Variants in ADGRB3 observed in about 807,000 individuals in gnomAD.
ADGRB3 encodes the protein adhesion G protein-coupled receptor B3.
Under a neutral mutation model 193.4 loss-of-function variants are expected in ADGRB3, and 37 were observed. The ratio of observed to expected loss-of-function variants is 0.19; its 90% CI spans 0.15 to 0.25. The LOEUF (loss-of-function observed/expected upper bound fraction) is 0.25. Among genes scored for constraint, ADGRB3 ranks in the 10% least tolerant of loss-of-function variants. The pLI, the probability that ADGRB3 is intolerant of heterozygous loss-of-function variation, is 1.00. For missense variants in ADGRB3, 1,637 were observed against 1,852.9 expected (o/e 0.88, Z 2.14); for synonymous variants, 690 against 644.2 (o/e 1.07, Z -1.08).
intron 3 of ADGRB3, among the ~76,000 whole-genome samples, chr6:68,790,901 G>A (rs1767092961): frequency 6.6e-6 from 1 of 152,098 alleles, no homozygotes; most frequent in African/African-American, 2.4e-5. Flanking sequence ...CCAAAGGAAC[G>A]CAGCTCCTCA....
chr6:69,290,186 C>G (rs1767637969), intron 20 of ADGRB3, among the ~76,000 whole-genome samples: 1 of 151,968 alleles, frequency 6.6e-6, no homozygotes, highest in African/African-American at 2.4e-5. Context: ...GATTATAGAC[C>G]CTTCCCTGGA....
intron 15 of ADGRB3, among the ~76,000 whole-genome samples, chr6:69,055,994 C>T (rs559379825): frequency 6.6e-6 from 1 of 152,062 alleles, no homozygotes; most frequent in Admixed American, 6.6e-5. Context: ...TCACGCCTGG[C>T]TAATTTTTGT....
In ADGRB3 at chr6:69,211,560, G is replaced by A. The variant is rs573031796; in HGVS notation, c.2481-21730G>A. On this transcript the variant is annotated intron_variant, in intron 17 of 31. Coordinates refer to ENST00000370598, the MANE Select transcript of ADGRB3 (RefSeq NM_001704.3). ...AAATATCATAAAAAATGTAACAACT[G>A]AGCTTAAAGAGGCCAACTCTAACAA... 5.9e-5 allele frequency among the ~76,000 whole-genome samples: 9 copies of A among 152,194 alleles called. No homozygotes were observed. In the South Asian group the frequency reaches 1.9e-3, roughly 32 times the overall value.
chr6:68,814,576 G>A (rs1053864715), intron 3 of ADGRB3, among the ~76,000 whole-genome samples: 5 of 152,004 alleles, frequency 3.3e-5, no homozygotes, highest in African/African-American at 1.2e-4. Flanking sequence ...GTCAATTTTG[G>A]CTTTTGTTGC....
At chr6:69,024,831 G>A (rs950780660) in intron 13 of ADGRB3, among the ~76,000 whole-genome samples, 3 of 152,066 alleles carry the variant, frequency 2.0e-5, no homozygotes, top group Non-Finnish European at 4.4e-5. Context: ...GGTGGCTCAC[G>A]CCTGTAATCC....
chr6:69,127,722 C>T (rs539083215), intron 17 of ADGRB3, among the ~76,000 whole-genome samples: 24 of 152,134 alleles, frequency 1.6e-4, no homozygotes, highest in African/African-American at 5.8e-4. Context: ...ATATACTAAC[C>T]TCTTATTTAG....
chr6:69,355,182 C>G (rs771073824), intron 27 of ADGRB3, among the ~76,000 whole-genome samples: 4 of 152,086 alleles, frequency 2.6e-5, no homozygotes, highest in Non-Finnish European at 5.9e-5. Context: ...GAAATTTTAT[C>G]ATTTCAAAAC....
At chr6:69,204,993 A>C (rs966135167) in intron 17 of ADGRB3, among the ~76,000 whole-genome samples, 3 of 152,168 alleles carry the variant, frequency 2.0e-5, no homozygotes, top group Non-Finnish European at 4.4e-5. Flanking sequence ...GGCTGGATTC[A>C]TTTTATATTA....
chr6:69,240,182 G>A (rs1443099053), intron 20 of ADGRB3, among the ~76,000 whole-genome samples: 1 of 152,028 alleles, frequency 6.6e-6, no homozygotes, highest in East Asian at 1.9e-4. Context: ...TCCTAAGACT[G>A]GTGATTTCCA....
At chr6:68,819,250 C>A (rs1767702096) in intron 3 of ADGRB3, among the ~76,000 whole-genome samples, 1 of 151,956 alleles carries the variant, frequency 6.6e-6, no homozygotes, top group African/African-American at 2.4e-5. Flanking sequence ...TGAAACTGCC[C>A]ATTCTTATTG....
chr6:68,719,209 A>C (rs1765534012), intron 3 of ADGRB3, among the ~76,000 whole-genome samples: 1 of 151,656 alleles, frequency 6.6e-6, no homozygotes, highest in Non-Finnish European at 1.5e-5. Flanking sequence ...CGTGTCCCTG[A>C]TGTTATTAGT....
At chr6:69,008,296 C>T (rs1416858983) in intron 11 of ADGRB3, among the ~76,000 whole-genome samples, 5 of 152,108 alleles carry the variant, frequency 3.3e-5, no homozygotes, top group African/African-American at 1.2e-4. Context: ...ATATTCACAG[C>T]ACTTAGAACA....
chr6:68,909,976 G>C (rs1195289661), intron 3 of ADGRB3, among the ~76,000 whole-genome samples: 8 of 152,122 alleles, frequency 5.3e-5, no homozygotes, highest in African/African-American at 1.9e-4. Flanking sequence ...CTGAGGAATC[G>C]CCACGCTGTC....
At chr6:68,837,810 A>G (rs1768073923) in intron 3 of ADGRB3, among the ~76,000 whole-genome samples, 1 of 152,156 alleles carries the variant, frequency 6.6e-6, no homozygotes, top group African/African-American at 2.4e-5. Context: ...CCACCTGTGT[A>G]CTTAGACTCC....
At chr6:69,284,818 C>T (rs754177526) in intron 20 of ADGRB3, among the ~76,000 whole-genome samples, 6 of 141,034 alleles carry the variant, frequency 4.3e-5, no homozygotes, top group Non-Finnish European at 9.3e-5. Context: ...TTTGAGGGAA[C>T]AAAAAAAAAA....
intron 3 of ADGRB3, among the ~76,000 whole-genome samples, chr6:68,837,586 AGACTT>A (rs1768069977): frequency 6.6e-6 from 1 of 152,244 alleles, no homozygotes; most frequent in Non-Finnish European, 1.5e-5. Flanking sequence ...CTCTTTTTAA[AGACTT>A]GAAATAAGAT....
chr6:68,830,755 A>G (rs1301843993), intron 3 of ADGRB3, among the ~76,000 whole-genome samples: 1 of 152,058 alleles, frequency 6.6e-6, no homozygotes, highest in African/African-American at 2.4e-5. Flanking sequence ...GTACAAAGGC[A>G]TGGAAGATGA....
rs901659479 is a variant in ADGRB3, at chr6:68,824,894, G to A, written c.758-105665G>A. Among the ~76,000 whole-genome samples the A allele has an allele frequency of 2.6e-5, 4 of 151,688 alleles. No individual in the cohort carries two copies. In the East Asian group the frequency reaches 5.8e-4, roughly 22 times the overall value. ...TTTTGAGACAGAGTATCACTCTGTC[G>A]CCCAAGCTGGAGTGCAGTGGCGCGA... On this transcript the variant is annotated intron_variant, in intron 3 of 31. Transcript: ENST00000370598.
intron 14 of ADGRB3, among the ~76,000 whole-genome samples, chr6:69,048,819 G>A (rs1771310888): frequency 6.6e-6 from 1 of 152,056 alleles, no homozygotes; most frequent in Non-Finnish European, 1.5e-5. Flanking sequence ...TAACAAACCG[G>A]CACATGTACT....
Sources: gnomAD v4.1 joint callset for allele counts (sites outside exome capture counted in the v4.1 genomes callset) on GRCh38, gnomAD v4.1.1 for gene constraint, MANE v1.5 for transcripts, NCBI Gene and HGNC (gene_info 2026-07-23, HGNC 2026-07-21) for gene names.